PREP: variants seen among roughly 807,000 people sequenced by gnomAD.
PREP encodes the protein prolyl endopeptidase.
PREP carries 29 observed loss-of-function variants against 87.6 expected under a neutral mutation model. The ratio of observed to expected loss-of-function variants is 0.33; its 90% CI spans 0.25 to 0.45. The LOEUF (loss-of-function observed/expected upper bound fraction) is 0.45. Ranked by LOEUF, PREP falls within the 20% of genes least tolerant of loss-of-function variation. PREP has a pLI of 1.00. For missense variants in PREP, 695 were observed against 886.5 expected (o/e 0.78, Z 2.74); for synonymous variants, 337 against 328.6 (o/e 1.03, Z -0.28).
At chr6:105,369,638 A>C (rs1772483914) in intron 5 of PREP, among the ~76,000 whole-genome samples, 1 of 152,246 alleles carries the variant, frequency 6.6e-6, no homozygotes, top group Non-Finnish European at 1.5e-5. Flanking sequence ...AAGAGAGCCT[A>C]GTAGCCTTTT....
intron 2 of PREP, among the ~76,000 whole-genome samples, chr6:105,396,534 T>C (rs774496540): frequency 2.0e-5 from 3 of 152,270 alleles, no homozygotes; most frequent in East Asian, 3.9e-4. Context: ...AGATGGGCAA[T>C]TCTACATCAG....
intron 4 of PREP, among the ~76,000 whole-genome samples, chr6:105,374,633 TA>T (rs1772639920): frequency 0.18 from 28 of 158 alleles, no homozygotes; most frequent in East Asian, 0.45. Flanking sequence ...TTGAATTGTT[TA>T]TATATATATA....
Position 105,402,871 on chromosome 6 carries a change from G to T in PREP, c.21C>A (p.Pro7=). The T allele has an allele frequency of 6.5e-7, 1 of 1,544,304 alleles. No homozygotes were observed. Among genetic ancestry groups the T allele is most frequent in the East Asian group, 2.4e-5 (1 of 41,780 alleles). ...CGGCGGTCTCGTCGCGGTACACGTCGGGGTACTGAAGGGACAGCATGGCCG... is the reference window on the plus strand; with the variant it reads ...CGGCGGTCTCGTCGCGGTACACGTCTGGGTACTGAAGGGACAGCATGGCCG... The part of the protein sequence containing the change: MLSLQY[P]DVYRDETAVQ... The change falls in exon 1 of 15, where the codon CCC becomes CCA. Residue 7 remains proline (P), a synonymous_variant. Transcript: ENST00000652536.
intron 10 of PREP, among the ~76,000 whole-genome samples, chr6:105,314,686 G>A (rs1222713150): frequency 2.6e-5 from 4 of 152,104 alleles, no homozygotes; most frequent in Non-Finnish European, 5.9e-5. Context: ...CCCCCATAGA[G>A]GTCCTGAATC....
intron 10 of PREP, among the ~76,000 whole-genome samples, chr6:105,300,160 G>C (rs921726831): frequency 6.6e-6 from 1 of 152,322 alleles, no homozygotes; most frequent in East Asian, 1.9e-4. Flanking sequence ...ACCTCCCAAA[G>C]TGCTGGGATT....
intron 12 of PREP, among the ~76,000 whole-genome samples, chr6:105,283,828 ATAACTTGGTTC>A (rs1770131078): frequency 6.6e-6 from 1 of 152,216 alleles, no homozygotes; most frequent in Admixed American, 6.5e-5. Context: ...AGACTGGAAA[ATAACTTGGTTC>A]TAACTAATAA....
chr6:105,378,987 C>T (rs992574561), intron 2 of PREP, among the ~76,000 whole-genome samples: 3 of 152,208 alleles, frequency 2.0e-5, no homozygotes, highest in African/African-American at 4.8e-5. Flanking sequence ...GTGAGACAAA[C>T]TGTTCCAAAG....
intron 6 of PREP, among the ~76,000 whole-genome samples, chr6:105,366,930 G>C (rs1772401358): frequency 6.6e-6 from 1 of 152,204 alleles, no homozygotes; most frequent in African/African-American, 2.4e-5. Flanking sequence ...GATGGCAGTG[G>C]TGGGTGGAGA....
intron 2 of PREP, among the ~76,000 whole-genome samples, chr6:105,383,292 C>A (rs1346239876): frequency 6.7e-6 from 1 of 149,846 alleles, no homozygotes; most frequent in Non-Finnish European, 1.5e-5. Context: ...TTTTCCAGGA[C>A]TTACTCAATA....
At chr6:105,323,842 C>A (rs1771081253) in intron 9 of PREP, 74 bp from the exon 10 acceptor site, 1 of 1,246,124 alleles carries the variant, frequency 8.0e-7, no homozygotes, top group Non-Finnish European at 1.2e-6. Flanking sequence ...TCACAAACCA[C>A]AACCAAATGC....
At chr6:105,357,776 T>C (rs921340392) in intron 6 of PREP, among the ~76,000 whole-genome samples, 2 of 152,178 alleles carry the variant, frequency 1.3e-5, no homozygotes, top group Non-Finnish European at 2.9e-5. Flanking sequence ...CCTGTTGATG[T>C]GGAGGGCATG....
intron 7 of PREP, among the ~76,000 whole-genome samples, chr6:105,344,897 T>C (rs932947595): frequency 3.3e-5 from 5 of 152,204 alleles, no homozygotes; most frequent in Non-Finnish European, 2.9e-5. Flanking sequence ...TGTACATTAT[T>C]GTCTGCCACC....
At chr6:105,395,643 A>C (rs1258359565) in intron 2 of PREP, among the ~76,000 whole-genome samples, 1 of 152,196 alleles carries the variant, frequency 6.6e-6, no homozygotes, top group African/African-American at 2.4e-5. Flanking sequence ...TCATCCACTA[A>C]TTGGAAGCCT....
chr6:105,341,010 G>A (rs766509592), intron 7 of PREP, among the ~76,000 whole-genome samples: 9 of 152,124 alleles, frequency 5.9e-5, no homozygotes, highest in African/African-American at 1.4e-4. Flanking sequence ...GGATATCCAC[G>A]AATTAAACTC....
intron 14 of PREP, among the ~76,000 whole-genome samples, chr6:105,279,699 G>A (rs921352832): frequency 3.3e-5 from 5 of 152,204 alleles, no homozygotes; most frequent in African/African-American, 1.2e-4. Context: ...TGTGGGCTGA[G>A]TTCCATGCTC....
chr6:105,356,081 C>T (rs1772091238), intron 6 of PREP, among the ~76,000 whole-genome samples: 1 of 151,788 alleles, frequency 6.6e-6, no homozygotes, highest in African/African-American at 2.4e-5. Context: ...CTATCAGTCA[C>T]ATTTTTTTTG....
chr6:105,369,693 T>A (rs911623396), intron 5 of PREP, among the ~76,000 whole-genome samples: 1 of 152,116 alleles, frequency 6.6e-6, no homozygotes, highest in Non-Finnish European at 1.5e-5. Flanking sequence ...GGCAAAAATA[T>A]GAATCCAGAC....
intron 6 of PREP, among the ~76,000 whole-genome samples, chr6:105,356,467 C>T (rs762579835): frequency 2.0e-5 from 3 of 152,122 alleles, no homozygotes; most frequent in East Asian, 1.9e-4. Context: ...AACAGTTAGC[C>T]GAAAACATGA....
chr6:105,329,854 A>C (rs969572682), intron 8 of PREP, among the ~76,000 whole-genome samples: 4 of 152,200 alleles, frequency 2.6e-5, no homozygotes, highest in African/African-American at 9.7e-5. Context: ...ATCCAAAACA[A>C]ATGACAGCCC....
Sources: gnomAD v4.1 joint callset for allele counts (sites outside exome capture counted in the v4.1 genomes callset) on GRCh38, gnomAD v4.1.1 for gene constraint, MANE v1.5 for transcripts, NCBI Gene and HGNC (gene_info 2026-07-23, HGNC 2026-07-21) for gene names.